PSMD11: variants seen among roughly 807,000 people sequenced by gnomAD.
PSMD11 encodes 26S proteasome non-ATPase regulatory subunit 11.
A neutral mutation model predicts 62.3 loss-of-function variants in PSMD11; 5 were observed. The ratio of observed to expected loss-of-function variants is 0.08; its 90% CI spans 0.04 to 0.17. The LOEUF (loss-of-function observed/expected upper bound fraction) is 0.17, where lower values mean the gene tolerates loss of function less well. Ranked by LOEUF, PSMD11 falls within the 10% of genes least tolerant of loss-of-function variation. The pLI is 1.00. For synonymous variants in PSMD11, 191 were observed against 191.8 expected, an observed-to-expected ratio of 1.00 and a Z score of 0.03; for missense variants, 310 against 512.9, an observed-to-expected ratio of 0.60 and a Z score of 3.82.
intron 6 of PSMD11, 85 bp from the exon 7 acceptor site, chr17:32,473,716 G>A (rs1045569352): frequency 5.6e-6 from 8 of 1,430,430 alleles, no homozygotes; most frequent in African/African-American, 4.3e-5. Context: ...GCCCATTTAG[G>A]TAGATGTCTA....
chr17:32,448,124 C>T (rs919310485), intron 2 of PSMD11, among the ~76,000 whole-genome samples: 2 of 151,696 alleles, frequency 1.3e-5, no homozygotes, highest in Non-Finnish European at 2.9e-5. Flanking sequence ...CATGGTCCAC[C>T]CACCTCGGCC....
chr17:32,449,329 G>A (rs938330986), intron 2 of PSMD11, among the ~76,000 whole-genome samples: 3 of 152,040 alleles, frequency 2.0e-5, no homozygotes, highest in South Asian at 2.1e-4. Context: ...TGCTTGAGCC[G>A]AGGAGGTTGA....
chr17:32,478,326 G>A (rs1908390623), intron 9 of PSMD11, among the ~76,000 whole-genome samples: 1 of 152,162 alleles, frequency 6.6e-6, no homozygotes. Flanking sequence ...CATCTTCCTG[G>A]AGGGCTCTTG....
rs140296693 is a variant in PSMD11, at chr17:32,458,474, T to C, written c.318+3855T>C. Among the ~76,000 whole-genome samples, 1,114 of 152,340 alleles carry C rather than the reference T, an allele frequency of 7.3e-3. 6 individuals are homozygous for C. The highest frequency in any genetic ancestry group is 0.01 in the Middle Eastern group (3 of 294). ...ATCTCAAGTTCTACCTCCTCTGAAC[T>C]CTTTCCTTCCTGACTTTAATGTGGT... On this transcript the variant is annotated intron_variant, in intron 3 of 13. Coordinates refer to ENST00000261712, the MANE Select transcript of PSMD11 (RefSeq NM_002815.4).
intron 6 of PSMD11, 123 bp from the exon 7 acceptor site, chr17:32,473,678 G>A: frequency 2.2e-6 from 2 of 910,072 alleles, no homozygotes; most frequent in Non-Finnish European, 1.7e-6. Flanking sequence ...GCCTCCCAAA[G>A]TGTGGATTTA....
At chr17:32,460,490 T>C (rs1411500146) in intron 3 of PSMD11, among the ~76,000 whole-genome samples, 1 of 152,092 alleles carries the variant, frequency 6.6e-6, no homozygotes, top group Admixed American at 6.5e-5. Flanking sequence ...GACAGATATA[T>C]CTGGTCAGGC....
chr17:32,468,263 A>T (rs1422818482), intron 5 of PSMD11, among the ~76,000 whole-genome samples: 2 of 150,982 alleles, frequency 1.3e-5, no homozygotes, highest in African/African-American at 4.9e-5. Flanking sequence ...ATGATTTGCA[A>T]TTTTTTTTTC....
At chr17:32,478,048 G>A (rs1168772822) in intron 9 of PSMD11, among the ~76,000 whole-genome samples, 1 of 152,206 alleles carries the variant, frequency 6.6e-6, no homozygotes, top group African/African-American at 2.4e-5. Flanking sequence ...GTCTTGATGT[G>A]CGTACTTGGA....
At chr17:32,454,098 C>T (rs2150830324) in intron 2 of PSMD11, among the ~76,000 whole-genome samples, 1 of 152,200 alleles carries the variant, frequency 6.6e-6, no homozygotes, top group African/African-American at 2.4e-5. Context: ...CCCCTATGAC[C>T]TGATCATATT....
chr17:32,454,478 A>G lies in PSMD11; in HGVS notation c.194-17A>G, dbSNP rs1376405027. 6.2e-7 allele frequency: 1 copy of G among 1,607,448 alleles called. No homozygotes were observed. The highest frequency in any genetic ancestry group is 8.5e-7 in the Non-Finnish European group (1 of 1,177,884). On this transcript the variant is annotated splice_polypyrimidine_tract_variant and intron_variant, in intron 2 of 13. Coordinates refer to ENST00000261712, the MANE Select transcript of PSMD11 (RefSeq NM_002815.4). ...ATGTTGATGTTTACTCCTCTTTTTG[A>G]ATTGCCTTTCCTACAGAGCTTGGAG...
chr17:32,446,825 C>G, intron 1 of PSMD11, 120 bp from the exon 2 acceptor site: 51 of 274,058 alleles, frequency 1.9e-4, no homozygotes, highest in East Asian at 4.2e-4. Flanking sequence ...TTTTTTAACT[C>G]TAGAATTTGT....
At chr17:32,477,273 G>C in intron 8 of PSMD11, 1 of 390,748 alleles carries the variant, frequency 2.6e-6, no homozygotes, top group Non-Finnish European at 4.6e-6. Flanking sequence ...TATTAGGGTC[G>C]GTCTGTTTGG....
At chr17:32,463,360 TAA>T (rs201817882) in intron 3 of PSMD11, 1 of 152,062 alleles carries the variant, frequency 6.6e-6, no homozygotes, top group Non-Finnish European at 1.5e-5. Flanking sequence ...TTTTTTTAAT[TAA>T]AAAAATTTTT....
At chr17:32,472,975 C>T (rs1347035598) in intron 6 of PSMD11, among the ~76,000 whole-genome samples, 3 of 150,704 alleles carry the variant, frequency 2.0e-5, no homozygotes, top group South Asian at 2.1e-4. Flanking sequence ...GGCGAACATA[C>T]GGTGAAACCA....
Position 32,479,858 on chromosome 17 carries a change from A to G in PSMD11, c.1046A>G (p.His349Arg). 1 of 1,613,680 alleles carries G rather than the reference A, an allele frequency of 6.2e-7. No individual in the cohort carries two copies. The highest frequency in any genetic ancestry group is 1.1e-5 in the South Asian group (1 of 91,060). Residue 349 changes from histidine (H) to arginine (R), a missense_variant, in exon 11 of 14, where the codon CAC (histidine) becomes CGC (arginine). By Grantham distance (29) the His-to-Arg change is conservative. This residue lies in a region of PSMD11 where 135 missense variants were observed against 195.4 expected (regional missense o/e 0.69). Coordinates refer to ENST00000261712, the MANE Select transcript of PSMD11 (RefSeq NM_002815.4). ...IEPFSRVQIE[H>R]ISSLIKLSKA... The stretch of plus-strand genomic sequence containing the variant: ...CTCTGCCTTTCCTTTTAGATTGAAC[A>G]CATATCTAGTCTCATCAAACTCTCC...
Position 32,480,832 on chromosome 17 carries a change from TTTTC to T in PSMD11, c.*84_*87del. 1.8e-6 allele frequency: 1 copy of T among 546,712 alleles called. No individual in the cohort carries two copies. Among genetic ancestry groups the T allele is most frequent in the Non-Finnish European group, 3.0e-6 (1 of 335,070 alleles). 33.9% of individuals were successfully genotyped at this position (546,712 alleles called of 1,614,324 possible). ...TGGGGGAAAATGCTAGGAGATTCTT[TTTTC>T]TTTTTGTTCTACTTTTCGCTCGGAA... On this transcript the variant is annotated 3_prime_UTR_variant, in exon 14 of 14. Coordinates refer to ENST00000261712, the MANE Select transcript of PSMD11 (RefSeq NM_002815.4).
At chr17:32,478,749 T>G (rs1190358649) in intron 9 of PSMD11, among the ~76,000 whole-genome samples, 3 of 152,210 alleles carry the variant, frequency 2.0e-5, no homozygotes, top group Admixed American at 2.0e-4. Context: ...ACCCTATTTA[T>G]TCTGTAGAAT....
intron 2 of PSMD11, among the ~76,000 whole-genome samples, chr17:32,451,765 G>C (rs968325127): frequency 2.0e-5 from 3 of 152,100 alleles, no homozygotes; most frequent in Non-Finnish European, 4.4e-5. Flanking sequence ...TTGAGACAGA[G>C]TCTCACTTTG....
chr17:32,468,895 A>ATTT, intron 5 of PSMD11, 104 bp from the exon 6 acceptor site: 18 of 897,424 alleles, frequency 2.0e-5, no homozygotes, highest in South Asian at 5.0e-5. Flanking sequence ...GAGTTCAGGA[A>ATTT]TTTTTTTTTT....
Sources: allele counts gnomAD v4.1 joint callset (sites outside exome capture counted in the v4.1 genomes callset), GRCh38; gene constraint gnomAD v4.1.1; regional missense constraint gnomAD v4.1.1; transcripts MANE v1.5; gene names NCBI Gene and HGNC (gene_info 2026-07-23, HGNC 2026-07-21).